AKAP13: variants seen among roughly 807,000 people sequenced by gnomAD.
The protein encoded by AKAP13 is A-kinase anchoring protein 13, also known as A-kinase anchor protein 13.
A neutral mutation model predicts 264.5 loss-of-function variants in AKAP13; 80 were observed. The observed-to-expected ratio is 0.30, with a 90% CI of 0.25 to 0.36. The LOEUF (loss-of-function observed/expected upper bound fraction) is 0.36. Ranked by LOEUF, AKAP13 falls within the 10% of genes least tolerant of loss-of-function variation. The probability of loss-of-function intolerance (pLI) is 1.00; values close to 1 mark genes in which losing one functional copy is unlikely to be tolerated. For missense variants in AKAP13, 3,712 were observed against 3,435.2 expected (o/e 1.08, Z -2.01); for synonymous variants, 1,380 against 1,250.2 (o/e 1.10, Z -2.19).
chr15:85,387,927 A>G (rs947809081), intron 1 of AKAP13, among the ~76,000 whole-genome samples: 1 of 152,130 alleles, frequency 6.6e-6, no homozygotes, highest in African/African-American at 2.4e-5. Flanking sequence ...ACTCATTTTT[A>G]GTAATAGAAG....
At chr15:85,577,802 G>A (rs2079065381) in intron 6 of AKAP13, 2 of 985,146 alleles carry the variant, frequency 2.0e-6, no homozygotes, top group African/African-American at 1.7e-5. Context: ...CTGAAATTAT[G>A]ACCCCATAAC....
intron 1 of AKAP13, among the ~76,000 whole-genome samples, chr15:85,479,580 T>A (rs1055497899): frequency 2.6e-5 from 4 of 152,152 alleles, no homozygotes; most frequent in Admixed American, 6.5e-5. Flanking sequence ...ATCTGCCCCC[T>A]CCTATTTTTT....
At chr15:85,555,594 C>T in intron 5 of AKAP13, 1 of 739,372 alleles carries the variant, frequency 1.4e-6, no homozygotes, top group South Asian at 1.4e-5. Context: ...CATCATTGAA[C>T]TTCCCTGAAG....
intron 10 of AKAP13, among the ~76,000 whole-genome samples, chr15:85,648,974 TTC>T (rs1163459866): frequency 6.6e-6 from 1 of 152,198 alleles, no homozygotes; most frequent in Non-Finnish European, 1.5e-5. Flanking sequence ...GGGAGGATTT[TTC>T]TCTTAGTGTT....
chr15:85,543,723 T>C, intron 4 of AKAP13, 49 bp from the exon 5 acceptor site: 1 of 1,542,762 alleles, frequency 6.5e-7, no homozygotes, highest in Non-Finnish European at 8.8e-7. Flanking sequence ...TGTTTGTTTT[T>C]TGTTTTTATA....
chr15:85,614,607 A>G (rs912631643), intron 8 of AKAP13, among the ~76,000 whole-genome samples: 1 of 152,198 alleles, frequency 6.6e-6, no homozygotes, highest in African/African-American at 2.4e-5. Context: ...ATTATGAGTA[A>G]TGAATCCCAA....
intron 1 of AKAP13, among the ~76,000 whole-genome samples, chr15:85,422,934 C>T (rs568467048): frequency 2.6e-5 from 4 of 152,270 alleles, no homozygotes; most frequent in East Asian, 3.9e-4. Flanking sequence ...GTGAACATTG[C>T]GATAAAGCAA....
intron 14 of AKAP13, among the ~76,000 whole-genome samples, chr15:85,678,641 C>T (rs552419752): frequency 2.0e-5 from 3 of 152,148 alleles, no homozygotes; most frequent in South Asian, 2.1e-4. Flanking sequence ...GCGGGCGGAT[C>T]ACTTGAGGTC....
intron 1 of AKAP13, among the ~76,000 whole-genome samples, chr15:85,451,070 G>C (rs1411834560): frequency 6.6e-6 from 1 of 152,106 alleles, no homozygotes; most frequent in Non-Finnish European, 1.5e-5. Flanking sequence ...AAGATAGTTA[G>C]GTCTTCTTGT....
rs141601349 is a variant in AKAP13, at chr15:85,713,950, T to C, written c.5600-1838T>C. Among the ~76,000 whole-genome samples, 205 of 152,300 alleles carry C rather than the reference T, an allele frequency of 1.3e-3. 1 individual carries two copies. The highest frequency in any genetic ancestry group is 4.8e-3 in the African/African-American group (200 of 41,552). ...TCTTTAGTCATGTTAATGAGAAATA[T>C]GCACTATGAGAACAATTTAGAATTG... On this transcript the variant is annotated intron_variant, in intron 19 of 36. Coordinates refer to ENST00000394518, the MANE Select transcript of AKAP13 (RefSeq NM_007200.5).
chr15:85,413,995 C>CT (rs1567044972), intron 1 of AKAP13, among the ~76,000 whole-genome samples: 3 of 151,850 alleles, frequency 2.0e-5, no homozygotes, highest in African/African-American at 7.3e-5. Context: ...TTTCTCCAAC[C>CT]TTTTTTACCA....
chr15:85,738,597 G>C (rs2088712892), intron 33 of AKAP13, among the ~76,000 whole-genome samples: 2 of 151,884 alleles, frequency 1.3e-5, no homozygotes, highest in African/African-American at 4.8e-5. Flanking sequence ...CCAGCACTTT[G>C]GGAGGCCGAG....
rs1263814518 is a variant in AKAP13, at chr15:85,570,004, G to A, written c.663-5127G>A. ...AGGCAGGAGAATGGCGTGAACCTGG[G>A]AGGCGGAGCTTGCGGTGAGCCGAGA... On this transcript the variant is annotated intron_variant, in intron 5 of 36. Coordinates refer to ENST00000394518, the MANE Select transcript of AKAP13 (RefSeq NM_007200.5). Among the ~76,000 whole-genome samples the A allele has an allele frequency of 5.3e-5, 8 of 151,338 alleles. No homozygotes were observed. In the East Asian group the frequency reaches 9.8e-4, roughly 19 times the overall value.
intron 21 of AKAP13, among the ~76,000 whole-genome samples, chr15:85,717,794 A>G (rs1455854292): frequency 2.6e-5 from 4 of 152,200 alleles, no homozygotes; most frequent in Non-Finnish European, 5.9e-5. Flanking sequence ...GATTTATGTC[A>G]TGTTTATTAC....
intron 5 of AKAP13, among the ~76,000 whole-genome samples, chr15:85,556,253 C>T (rs2078142407): frequency 6.6e-6 from 1 of 152,188 alleles, no homozygotes; most frequent in Non-Finnish European, 1.5e-5. Context: ...ATTTTATTAT[C>T]GCTATCAAAT....
At chr15:85,604,875 GTTC>G (rs1282241425) in intron 8 of AKAP13, among the ~76,000 whole-genome samples, 1 of 152,176 alleles carries the variant, frequency 6.6e-6, no homozygotes, top group African/African-American at 2.4e-5. Context: ...GATTTGGGAA[GTTC>G]TTCTTAACAA....
intron 8 of AKAP13, among the ~76,000 whole-genome samples, chr15:85,629,403 G>A (rs916162778): frequency 5.3e-5 from 8 of 152,040 alleles, no homozygotes; most frequent in Non-Finnish European, 1.0e-4. Flanking sequence ...AGGGAAGCAG[G>A]GCTGTAATCC....
chr15:85,706,451 A>G (rs1348652628), intron 17 of AKAP13, among the ~76,000 whole-genome samples: 4 of 152,200 alleles, frequency 2.6e-5, no homozygotes, highest in Non-Finnish European at 2.9e-5. Context: ...ACCTGGGGGA[A>G]AATGTGATTC....
intron 8 of AKAP13, among the ~76,000 whole-genome samples, chr15:85,592,267 C>T (rs1044948081): frequency 2.0e-5 from 3 of 152,024 alleles, no homozygotes; most frequent in South Asian, 2.1e-4. Flanking sequence ...CTAAAGGGGG[C>T]GAACTTGTAT....
Sources: allele counts gnomAD v4.1 joint callset (sites outside exome capture counted in the v4.1 genomes callset), GRCh38; gene constraint gnomAD v4.1.1; transcripts MANE v1.5; gene names NCBI Gene and HGNC (gene_info 2026-07-23, HGNC 2026-07-21).